The following LDB2 variants were observed in gnomAD, a reference collection of about 807,000 sequenced individuals.
LDB2 encodes LIM domain binding 2, also known as LIM domain-binding protein 2.
In LDB2, 12 loss-of-function variants were observed where a neutral mutation model predicts 44.3. The observed-to-expected ratio is 0.27, with a 90% CI of 0.17 to 0.44. LDB2 has a LOEUF of 0.44. Among genes scored for constraint, LDB2 ranks in the 20% least tolerant of loss-of-function variants. The pLI is 1.00. For synonymous variants in LDB2, 164 were observed against 174.8 expected (o/e 0.94, Z 0.49); for missense variants, 344 against 473.5 (o/e 0.73, Z 2.54).
At chr4:16,703,554 C>A (rs550364089) in intron 2 of LDB2, among the ~76,000 whole-genome samples, 1 of 152,152 alleles carries the variant, frequency 6.6e-6, no homozygotes, top group Non-Finnish European at 1.5e-5. Context: ...ATTGGCTGTA[C>A]GGCCCTGAGC....
chr4:16,543,096 C>T (rs545870827), intron 5 of LDB2, among the ~76,000 whole-genome samples: 3 of 152,092 alleles, frequency 2.0e-5, no homozygotes, highest in African/African-American at 7.2e-5. Flanking sequence ...CTACAAAGGA[C>T]ATGAATTCAT....
At chr4:16,774,381 T>C (rs1266616462) in intron 1 of LDB2, among the ~76,000 whole-genome samples, 1 of 152,158 alleles carries the variant, frequency 6.6e-6, no homozygotes, top group East Asian at 1.9e-4. Flanking sequence ...ATGGTGACTA[T>C]TCCTGTAATA....
intron 1 of LDB2, among the ~76,000 whole-genome samples, chr4:16,775,408 T>C (rs1009592009): frequency 2.0e-5 from 3 of 152,210 alleles, no homozygotes; most frequent in Admixed American, 6.5e-5. Context: ...CTCTGTTGCT[T>C]TGGAAAAGTT....
At chr4:16,689,520 G>GTA (rs1560889004) in intron 2 of LDB2, among the ~76,000 whole-genome samples, 1 of 152,146 alleles carries the variant, frequency 6.6e-6, no homozygotes, top group Non-Finnish European at 1.5e-5. Context: ...AGTCTTTGTG[G>GTA]TATCTCCAGG....
In LDB2 at chr4:16,502,659, GGT is replaced by G; in HGVS notation, c.1104_1105del (p.Gln370GlyfsTer6). 1 of 1,613,848 alleles carries G rather than the reference GGT, an allele frequency of 6.2e-7. No homozygotes were observed. The highest frequency in any genetic ancestry group is 8.5e-7 in the Non-Finnish European group (1 of 1,179,794). On this transcript the variant is annotated frameshift_variant, in exon 8 of 8. Coordinates refer to ENST00000304523, the MANE Select transcript of LDB2 (RefSeq NM_001290.5). LOFTEE classifies it high-confidence loss of function. ...CCGATCATCTTATTGGGAAGCCTGG[GGT>G]GGGGGGTTTTCTGATTTGGTCTCTT...
intron 2 of LDB2, among the ~76,000 whole-genome samples, chr4:16,749,917 T>C (rs1433052186): frequency 6.6e-6 from 1 of 152,224 alleles, no homozygotes; most frequent in East Asian, 1.9e-4. Context: ...AAAGAAGTCT[T>C]TCCCAGGCTC....
intron 2 of LDB2, among the ~76,000 whole-genome samples, chr4:16,628,179 G>A (rs966772667): frequency 2.6e-5 from 4 of 152,140 alleles, no homozygotes; most frequent in South Asian, 2.1e-4. Context: ...ACTTCTAAAC[G>A]CTTGTAAACT....
chr4:16,667,717 T>C (rs1390799), intron 2 of LDB2, among the ~76,000 whole-genome samples: 149,488 of 152,350 alleles, frequency 0.98, 73,396 homozygotes, highest in Non-Finnish European at 1. Flanking sequence ...TTCAGAGGCA[T>C]GCTCAGGCCT....
At chr4:16,570,464 A>G (rs1746088716) in intron 5 of LDB2, among the ~76,000 whole-genome samples, 1 of 79,410 alleles carries the variant, frequency 1.3e-5, no homozygotes. Flanking sequence ...CTCTGTCTCA[A>G]AAAAAAAAAA....
intron 1 of LDB2, among the ~76,000 whole-genome samples, chr4:16,790,268 T>C (rs1217528013): frequency 6.6e-6 from 1 of 152,186 alleles, no homozygotes; most frequent in Non-Finnish European, 1.5e-5. Flanking sequence ...GAAGGCAGGA[T>C]TCAAACTCAG....
intron 1 of LDB2, among the ~76,000 whole-genome samples, chr4:16,885,197 G>A (rs1202837479): frequency 6.8e-6 from 1 of 146,086 alleles, no homozygotes; most frequent in East Asian, 2.0e-4. Context: ...TTAGTCAAAT[G>A]TCGTGGTGCA....
chr4:16,554,993 G>C (rs777657670), intron 5 of LDB2, among the ~76,000 whole-genome samples: 1 of 152,196 alleles, frequency 6.6e-6, no homozygotes, highest in African/African-American at 2.4e-5. Context: ...GATGCTGATA[G>C]GGAGAGAGGC....
At chr4:16,708,305 G>C (rs1229109337) in intron 2 of LDB2, among the ~76,000 whole-genome samples, 1 of 151,994 alleles carries the variant, frequency 6.6e-6, no homozygotes, top group Non-Finnish European at 1.5e-5. Flanking sequence ...AACAGAGCGA[G>C]ACCCTGTCTT....
rs1772011596 is a variant in LDB2, at chr4:16,776,788, G to A, written c.133-17528C>T. Among the ~76,000 whole-genome samples the A allele has an allele frequency of 2.0e-5, 3 of 152,214 alleles. No homozygotes were observed. The South Asian group carries it at 6.2e-4, about 32-fold the overall frequency. On this transcript the variant is annotated intron_variant, in intron 1 of 7. Transcript: ENST00000304523. ...TGAGGACATGAAATACGGGAGTGGG[G>A]AAGGAGAAGTAAAATTTACATGGGA...
chr4:16,809,741 C>CAAA (rs5856387), intron 1 of LDB2, among the ~76,000 whole-genome samples: 1 of 145,478 alleles, frequency 6.9e-6, no homozygotes, highest in South Asian at 2.3e-4. Flanking sequence ...AACAAACAAA[C>CAAA]AAAAAAAAAA....
intron 1 of LDB2, among the ~76,000 whole-genome samples, chr4:16,812,320 T>G (rs1780032449): frequency 6.6e-6 from 1 of 152,158 alleles, no homozygotes; most frequent in African/African-American, 2.4e-5. Context: ...ACTTTCTCCC[T>G]CCTTTCCTTT....
At chr4:16,891,036 A>G (rs1723205162) in intron 1 of LDB2, among the ~76,000 whole-genome samples, 1 of 152,104 alleles carries the variant, frequency 6.6e-6, no homozygotes, top group South Asian at 2.1e-4. Flanking sequence ...AAGGGAGCCA[A>G]TACTATACCC....
At chr4:16,887,905 C>A (rs567424850) in intron 1 of LDB2, among the ~76,000 whole-genome samples, 1 of 151,842 alleles carries the variant, frequency 6.6e-6, no homozygotes, top group Non-Finnish European at 1.5e-5. Flanking sequence ...AGTGTAGTGC[C>A]CACTTGCATC....
At position 16,895,434 on chromosome 4, in the gene LDB2, C is replaced by T. The variant is rs548412227; in HGVS notation, c.132+2920G>A. ...GAGGTTTCTAGGAAATTTCCAGAAACTTGATTACAATTTCTTCATCACATA... is the reference window on the plus strand; with the variant it reads ...GAGGTTTCTAGGAAATTTCCAGAAATTTGATTACAATTTCTTCATCACATA... On this transcript the variant is annotated intron_variant, in intron 1 of 7. Coordinates refer to ENST00000304523, the MANE Select transcript of LDB2 (RefSeq NM_001290.5). 5.0e-3 allele frequency among the ~76,000 whole-genome samples: 760 copies of T among 152,166 alleles called. 5 individuals are homozygous for T. Among genetic ancestry groups the T allele is most frequent in the Non-Finnish European group, 9.3e-3 (631 of 67,990 alleles).
Sources: allele counts gnomAD v4.1 joint callset (sites outside exome capture counted in the v4.1 genomes callset), GRCh38; gene constraint gnomAD v4.1.1; transcripts MANE v1.5; gene names NCBI Gene and HGNC (gene_info 2026-07-23, HGNC 2026-07-21).